TMEM64: variants seen among roughly 807,000 people sequenced by gnomAD.
The protein encoded by TMEM64 is transmembrane protein 64.
Under a neutral mutation model 24.5 loss-of-function variants are expected in TMEM64, and 19 were observed. That is an observed-to-expected ratio of 0.78 (90% confidence interval 0.54 to 1.14). The LOEUF (loss-of-function observed/expected upper bound fraction) is 1.14. TMEM64 is among the 50% of genes most tolerant of loss of function. TMEM64 has a pLI of 0.00. For synonymous variants in TMEM64, 262 were observed against 224.7 expected (o/e 1.17, Z -1.49); for missense variants, 487 against 493.0 (o/e 0.99, Z 0.12).
rs74501676 is a variant in TMEM64 at position 90,637,464 on chromosome 8, T to C, written c.796-5757A>G. Among the ~76,000 whole-genome samples, 1,237 of 152,346 alleles carry C rather than the reference T, an allele frequency of 8.1e-3. 25 individuals are homozygous for C. Among genetic ancestry groups the C allele is most frequent in the African/African-American group, 0.028 (1,180 of 41,568 alleles). Reference sequence around the variant, plus strand: ...ACCTCAAATTTTATGTGCAGCTCTGTGAATCTAGCATTAATTTTGGCAAAT... The same window carrying C: ...ACCTCAAATTTTATGTGCAGCTCTGCGAATCTAGCATTAATTTTGGCAAAT... On this transcript the variant is annotated intron_variant, in intron 1 of 2. Coordinates refer to ENST00000458549, the MANE Select transcript of TMEM64 (RefSeq NM_001008495.4).
At chr8:90,642,731 G>A (rs906182940) in intron 1 of TMEM64, among the ~76,000 whole-genome samples, 4 of 150,718 alleles carry the variant, frequency 2.7e-5, no homozygotes, top group Admixed American at 2.6e-4. Flanking sequence ...CCATATCCAG[G>A]GGCTTCACAG....
chr8:90,640,109 G>C (rs1234678149), intron 1 of TMEM64, among the ~76,000 whole-genome samples: 3 of 152,160 alleles, frequency 2.0e-5, no homozygotes, highest in African/African-American at 7.2e-5. Flanking sequence ...TACACAACTT[G>C]TTCATCCTAT....
At chr8:90,634,044 T>C (rs553706621) in intron 1 of TMEM64, among the ~76,000 whole-genome samples, 2 of 152,316 alleles carry the variant, frequency 1.3e-5, no homozygotes, top group South Asian at 4.1e-4. Context: ...CATTTAGCTT[T>C]AGAAAGTGTT....
In TMEM64 at chr8:90,625,392, G is replaced by A. The variant is rs1056135760; in HGVS notation, c.*279C>T. The A allele has an allele frequency of 4.6e-5, 12 of 262,510 alleles. No individual in the cohort carries two copies. Among genetic ancestry groups the A allele is most frequent in the East Asian group, 6.7e-5 (1 of 14,920 alleles). The allele number at this position is 262,510 out of a possible 1,614,324, so 16.3% of individuals were successfully genotyped here. A position where few individuals can be genotyped will look rare whatever the true frequency, so the allele number is the denominator to read the frequency against. The stretch of plus-strand genomic sequence containing the variant: ...TAATATTTGGGTTATTTCTCTGTTC[G>A]TAAATACACAGAAATAAAACAATTA... On this transcript the variant is annotated 3_prime_UTR_variant, in exon 3 of 3. Transcript: ENST00000458549.
chr8:90,638,505 C>T (rs777671584), intron 1 of TMEM64, among the ~76,000 whole-genome samples: 1 of 152,192 alleles, frequency 6.6e-6, no homozygotes, highest in Non-Finnish European at 1.5e-5. Flanking sequence ...GTCCCCTTTG[C>T]ACTGGAGAAC....
rs183134986 is a variant in TMEM64 at position 90,633,963 on chromosome 8, T to C, written c.796-2256A>G. Among the ~76,000 whole-genome samples, 162 of 152,308 alleles carry C rather than the reference T, an allele frequency of 1.1e-3. 1 individual carries two copies. The highest frequency in any genetic ancestry group is 3.8e-3 in the African/African-American group (158 of 41,590). On this transcript the variant is annotated intron_variant, in intron 1 of 2. Coordinates refer to ENST00000458549, the MANE Select transcript of TMEM64 (RefSeq NM_001008495.4). ...GTCCTTTATCTCTTAATTTTATGTT[T>C]TGACATACAAATGTTTTTAAATTTT...
intron 1 of TMEM64, among the ~76,000 whole-genome samples, chr8:90,642,132 C>A (rs1392841913): frequency 6.6e-6 from 1 of 152,190 alleles, no homozygotes; most frequent in Non-Finnish European, 1.5e-5. Context: ...AATACAACTA[C>A]CTCCACCACT....
chr8:90,639,309 G>C (rs1199094196), intron 1 of TMEM64, among the ~76,000 whole-genome samples: 1 of 152,026 alleles, frequency 6.6e-6, no homozygotes, highest in African/African-American at 2.4e-5. Flanking sequence ...GCTTTTAATG[G>C]TTCCCAAATA....
In TMEM64 at chr8:90,632,525, T is replaced by C. The variant is rs1161947726; in HGVS notation, c.796-818A>G. Among the ~76,000 whole-genome samples, 10 of 152,274 alleles carry C rather than the reference T, an allele frequency of 6.6e-5. No homozygotes were observed. The South Asian group carries it at 1.5e-3, about 22-fold the overall frequency. ...TTTTAGTAGAGATGGGGTTTCACCA[T>C]ATTAGCCAGGATGGTCTCGATATCC... On this transcript the variant is annotated intron_variant, in intron 1 of 2. Transcript: ENST00000458549.
intron 1 of TMEM64, among the ~76,000 whole-genome samples, chr8:90,643,807 C>T (rs1378520146): frequency 6.6e-6 from 1 of 152,204 alleles, no homozygotes; most frequent in Non-Finnish European, 1.5e-5. Context: ...CTACTGCTAA[C>T]ACTAAACTTT....
At chr8:90,627,551 A>G (rs1809377541) in intron 2 of TMEM64, among the ~76,000 whole-genome samples, 1 of 152,136 alleles carries the variant, frequency 6.6e-6, no homozygotes. Flanking sequence ...GATATCCAAA[A>G]AAGTTCATGG....
At chr8:90,636,776 T>G (rs1277918597) in intron 1 of TMEM64, among the ~76,000 whole-genome samples, 5 of 152,206 alleles carry the variant, frequency 3.3e-5, no homozygotes, top group African/African-American at 4.8e-5. Flanking sequence ...TTGGAATTCC[T>G]GCTTGCAGTA....
chr8:90,645,086 G>A lies in TMEM64; in HGVS notation c.795+25C>T. 6.3e-7 allele frequency: 1 copy of A among 1,583,320 alleles called. No homozygotes were observed. Among genetic ancestry groups the A allele is most frequent in the Non-Finnish European group, 8.6e-7 (1 of 1,160,846 alleles). ...CCGCTCAAAAACAGACTTGGAGAGG[G>A]ATAGGCCAGCGGGACCCCACTTACC... On this transcript the variant is annotated intron_variant, in intron 1 of 2. Transcript: ENST00000458549. This position sits in a 1 kb window ranked among gnomAD's most constrained non-coding sequence, Gnocchi z 4.2.
intron 1 of TMEM64, among the ~76,000 whole-genome samples, chr8:90,639,065 G>T (rs544055505): frequency 6.6e-6 from 1 of 151,684 alleles, no homozygotes; most frequent in Admixed American, 6.6e-5. Flanking sequence ...TCTGGTTAGG[G>T]TCTCTCAAGC....
intron 1 of TMEM64, among the ~76,000 whole-genome samples, chr8:90,640,081 T>A (rs1809582085): frequency 6.6e-6 from 1 of 152,320 alleles, no homozygotes; most frequent in South Asian, 2.1e-4. Context: ...GGTCTCAGGA[T>A]GTGCACTGAG....
chr8:90,639,639 C>T (rs1022602054), intron 1 of TMEM64, among the ~76,000 whole-genome samples: 21 of 152,010 alleles, frequency 1.4e-4, no homozygotes, highest in Non-Finnish European at 7.4e-5. Context: ...TTGTAATACA[C>T]GTAATAACAA....
Position 90,631,546 on chromosome 8 carries a change from A to G in TMEM64, c.951+6T>C. ...AAAAAGAGACAACCCTTGGCCTTAA[A>G]CTCACCTGTAAACAAAAAACAAAAT... On this transcript the variant is annotated splice_donor_region_variant and intron_variant, in intron 2 of 2. Transcript: ENST00000458549. 4 of 1,578,596 alleles carry G rather than the reference A, an allele frequency of 2.5e-6. No individual in the cohort carries two copies. Among genetic ancestry groups the G allele is most frequent in the Non-Finnish European group, 3.5e-6 (4 of 1,154,920 alleles).
intron 1 of TMEM64, among the ~76,000 whole-genome samples, chr8:90,634,383 T>C (rs1332937194): frequency 6.6e-6 from 1 of 152,176 alleles, no homozygotes; most frequent in Non-Finnish European, 1.5e-5. Context: ...GAAACCAAAT[T>C]GTAATAAAGA....
intron 2 of TMEM64, among the ~76,000 whole-genome samples, chr8:90,630,585 C>T (rs1809422076): frequency 6.6e-6 from 1 of 152,060 alleles, no homozygotes; most frequent in Non-Finnish European, 1.5e-5. Flanking sequence ...CTTGCCATTT[C>T]CCATGGTGTA....
Sources: gnomAD v4.1 joint callset for allele counts (sites outside exome capture counted in the v4.1 genomes callset) on GRCh38, gnomAD v4.1.1 for gene constraint, Gnocchi (gnomAD v3.1) non-coding constraint, MANE v1.5 for transcripts, NCBI Gene and HGNC (gene_info 2026-07-23, HGNC 2026-07-21) for gene names.